Variants in ARHGAP45 observed in about 807,000 individuals in gnomAD.
ARHGAP45 encodes Rho GTPase activating protein 45.
A neutral mutation model predicts 116.1 loss-of-function variants in ARHGAP45; 56 were observed. That is an observed-to-expected ratio of 0.48 (90% CI 0.39 to 0.60). ARHGAP45 has a LOEUF of 0.60. Among genes scored for constraint, ARHGAP45 ranks in the 20% least tolerant of loss-of-function variants. The probability of loss-of-function intolerance (pLI) is 0.00; values close to 1 mark genes in which losing one functional copy is unlikely to be tolerated. For missense variants in ARHGAP45, 1,622 were observed against 1,601.0 expected, an observed-to-expected ratio of 1.01 and a Z score of -0.22; for synonymous variants, 866 against 701.7, an observed-to-expected ratio of 1.23 and a Z score of -3.70.
chr19:1,068,200 A>G lies in ARHGAP45; in HGVS notation c.91-214A>G. 1 of 549,962 alleles carries G rather than the reference A, an allele frequency of 1.8e-6. No homozygotes were observed. Among genetic ancestry groups the G allele is most frequent in the Non-Finnish European group, 3.1e-6 (1 of 319,202 alleles). 34.1% of individuals were successfully genotyped at this position (549,962 alleles called of 1,614,324 possible). ...CCCCGCCCCGGCTGTGGTTTGGGCA[A>G]GGACCGTTGTTTGTGAAAGCTCTAG... is the stretch of plus-strand genomic sequence containing the variant. On this transcript the variant is annotated intron_variant, in intron 1 of 22. Coordinates refer to ENST00000313093, the MANE Select transcript of ARHGAP45 (RefSeq NM_012292.5). This position sits in a 1 kb window ranked among gnomAD's most constrained non-coding sequence, Gnocchi z 7.5.
chr19:1,067,207 G>A lies in ARHGAP45; in HGVS notation c.-199G>A, dbSNP rs1050257729. 29 of 1,355,292 alleles carry A rather than the reference G, an allele frequency of 2.1e-5. No individual in the cohort carries two copies. Among genetic ancestry groups the A allele is most frequent in the East Asian group, 6.2e-5 (2 of 32,304 alleles). The allele number at this position is 1,355,292 out of a possible 1,614,324, so 84.0% of individuals were successfully genotyped here. A position where few individuals can be genotyped will look rare whatever the true frequency, so the allele number is the denominator to read the frequency against. ...AGGCTGAGGCCGGGAAGGGTCGGGG[G>A]CGAGGCCGCGTCGCCGCCTCCCCGA... On this transcript the variant is annotated 5_prime_UTR_variant, in exon 1 of 23. Coordinates refer to ENST00000313093, the MANE Select transcript of ARHGAP45 (RefSeq NM_012292.5).
intron 19 of ARHGAP45, chr19:1,082,633 G>C (rs1006107867): frequency 1.8e-6 from 1 of 555,356 alleles, no homozygotes; most frequent in Non-Finnish European, 3.1e-6. Context: ...GCGAGAAAGG[G>C]AGTGGAGCTG....
Position 1,086,099 on chromosome 19 carries a change from C to A in ARHGAP45, c.*93C>A. On this transcript the variant is annotated 3_prime_UTR_variant, in exon 23 of 23. Transcript: ENST00000313093. ...TGCACCACGGCATAGCTTAGGTGCG[C>A]CGTCCTGGGGTCGCTGCCGAGAGCG... The A allele has an allele frequency of 8.3e-7, 1 of 1,204,438 alleles. No homozygotes were observed. Among genetic ancestry groups the A allele is most frequent in the Non-Finnish European group, 1.2e-6 (1 of 850,754 alleles). The allele number at this position is 1,204,438 out of a possible 1,614,324, so 74.6% of individuals were successfully genotyped here.
chr19:1,077,510 A>T, intron 10 of ARHGAP45: 2 of 996,682 alleles, frequency 2.0e-6, no homozygotes, highest in Non-Finnish European at 2.6e-6. Flanking sequence ...CAGCCTCCCG[A>T]GTAGCTGGGA....
upstream of ARHGAP45, chr19:1,066,670 C>T (rs2043037179): frequency 1.9e-5 from 3 of 157,444 alleles, no homozygotes; most frequent in South Asian, 3.4e-4. Flanking sequence ...ACTTCCTGGA[C>T]GTCTTTGCCC....
intron 10 of ARHGAP45, among the ~76,000 whole-genome samples, chr19:1,075,236 C>CTTTTTTT (rs551827897): frequency 7.6e-6 from 1 of 131,046 alleles, no homozygotes. Flanking sequence ...TGCATGTATT[C>CTTTTTTT]TTTTTTTTTT....
chr19:1,082,383 A>G (rs1390498233), intron 19 of ARHGAP45: 2 of 278,666 alleles, frequency 7.2e-6, no homozygotes, highest in East Asian at 1.7e-4. Flanking sequence ...GAGGCTAGAC[A>G]AGTGCGGGGC....
chr19:1,067,528 C>T, intron 1 of ARHGAP45, 33 bp downstream of exon 1: 1 of 1,552,908 alleles, frequency 6.4e-7, no homozygotes, highest in Non-Finnish European at 8.7e-7. Context: ...CCGGAGCTGA[C>T]GCCGGGCCGC....
At chr19:1,077,578 G>A (rs1375224921) in intron 10 of ARHGAP45, 2 of 1,221,160 alleles carry the variant, frequency 1.6e-6, no homozygotes, top group Admixed American at 3.0e-5. Flanking sequence ...TAGATACGGG[G>A]TTTCACTATG....
rs1013577101 is a variant in ARHGAP45, at chr19:1,073,837, C to T, written c.723+91C>T. On this transcript the variant is annotated intron_variant, in intron 5 of 22. Transcript: ENST00000313093. ...GGGCCCAGACAGTCACCCTGCTTCC[C>T]CTGTGCGCCTTGGTTTCCCTCTCTG... 2.5e-4 allele frequency: 389 copies of T among 1,533,594 alleles called. 3 individuals are homozygous for T. The Middle Eastern group carries it at 3.4e-3, about 13-fold the overall frequency. 95.0% of individuals were successfully genotyped at this position (1,533,594 alleles called of 1,614,324 possible).
At chr19:1,067,563 C>A in intron 1 of ARHGAP45, 68 bp downstream of exon 1, 2 of 1,423,826 alleles carry the variant, frequency 1.4e-6, no homozygotes, top group Non-Finnish European at 1.9e-6. Context: ...CCGCCCTGTG[C>A]TCGGGGCTCA....
At chr19:1,076,889 G>C (rs1477619893) in intron 10 of ARHGAP45, 2 of 325,262 alleles carry the variant, frequency 6.1e-6, no homozygotes, top group Non-Finnish European at 8.7e-6. Context: ...ACCACGTCTG[G>C]CTAAATTTTT....
Position 1,080,990 on chromosome 19 carries a change from C to T in ARHGAP45, c.2116C>T (p.Arg706Trp). The T allele has an allele frequency of 1.2e-6, 2 of 1,607,786 alleles. No homozygotes were observed. The highest frequency in any genetic ancestry group is 1.7e-6 in the Non-Finnish European group (2 of 1,177,994). The change falls in exon 17 of 23, where the codon CGG (arginine) becomes TGG (tryptophan). Residue 706 changes from arginine (R) to tryptophan (W), a missense_variant. Transcript: ENST00000313093. ...CAAGGCGGCCCGTACTCACCGGCTC[C>T]GGAAGCTCCGCACGCCCGCCAAGTG... ...LSKAARTHRL[R>W]KLRTPAKCRE... is the part of the protein sequence containing the mutation.
intron 10 of ARHGAP45, 164 bp from the exon 11 acceptor site, chr19:1,077,693 C>T: frequency 6.8e-7 from 1 of 1,474,948 alleles, no homozygotes; most frequent in Non-Finnish European, 9.0e-7. Flanking sequence ...GCCACTCCTC[C>T]TGTTTTTCCG....
upstream of ARHGAP45, chr19:1,066,259 G>T: frequency 1.1e-6 from 1 of 933,936 alleles, no homozygotes; most frequent in Non-Finnish European, 1.5e-6. Flanking sequence ...TTGGGGAGGG[G>T]GGAGAGAGTT....
chr19:1,071,997 C>T lies in ARHGAP45; in HGVS notation c.422-1152C>T, dbSNP rs889931998. On this transcript the variant is annotated intron_variant, in intron 2 of 22. Transcript: ENST00000313093. This position sits in a 1 kb window ranked among gnomAD's most constrained non-coding sequence, Gnocchi z 4.6. Reference sequence around the variant, plus strand: ...TGTGTGCCTGGCTCTCGATGTTTCGCCTGTACTCTCTGCTTTTTTCTTTTC... The same window carrying T: ...TGTGTGCCTGGCTCTCGATGTTTCGTCTGTACTCTCTGCTTTTTTCTTTTC... 2.4e-4 allele frequency among the ~76,000 whole-genome samples: 37 copies of T among 152,126 alleles called. No individual in the cohort carries two copies. The highest frequency in any genetic ancestry group is 2.1e-3 in the Admixed American group (32 of 15,272).
intron 22 of ARHGAP45, among the ~76,000 whole-genome samples, chr19:1,084,703 G>A (rs1035362359): frequency 1.3e-5 from 2 of 152,178 alleles, no homozygotes; most frequent in Admixed American, 6.5e-5. Context: ...TGACCCACGT[G>A]GGGCCAGCAC....
intron 2 of ARHGAP45, among the ~76,000 whole-genome samples, chr19:1,070,737 G>T (rs2043124980): frequency 6.6e-6 from 1 of 151,922 alleles, no homozygotes; most frequent in South Asian, 2.1e-4. Context: ...TCCCGGCTCC[G>T]CCTCCCAAAG....
chr19:1,081,207 G>C, intron 17 of ARHGAP45, 143 bp downstream of exon 17: 2 of 982,228 alleles, frequency 2.0e-6, no homozygotes, highest in Non-Finnish European at 2.9e-6. Context: ...AACGGAGGGG[G>C]TGGGGTGGGC....
Sources: allele counts gnomAD v4.1 joint callset (sites outside exome capture counted in the v4.1 genomes callset), GRCh38; gene constraint gnomAD v4.1.1; non-coding constraint Gnocchi (gnomAD v3.1); transcripts MANE v1.5; gene names NCBI Gene and HGNC (gene_info 2026-07-23, HGNC 2026-07-21).